BUB1B: variants seen among roughly 807,000 people sequenced by gnomAD.
BUB1B encodes mitotic checkpoint serine/threonine-protein kinase BUB1 beta.
A neutral mutation model predicts 137.7 loss-of-function variants in BUB1B; 86 were observed. The observed-to-expected ratio is 0.62, with a 90% CI of 0.52 to 0.75. BUB1B has a LOEUF of 0.75. Ranked by LOEUF, BUB1B falls within the 30% of genes least tolerant of loss-of-function variation. The pLI is 0.00. For missense variants in BUB1B, 1,130 were observed against 1,236.9 expected (o/e 0.91, Z 1.30); for synonymous variants, 420 against 417.9 (o/e 1.00, Z -0.06).
At chr15:40,179,793 T>C (rs920464846) in intron 5 of BUB1B, among the ~76,000 whole-genome samples, 17 of 152,034 alleles carry the variant, frequency 1.1e-4, no homozygotes, top group Non-Finnish European at 2.4e-4. Context: ...GTATATAATA[T>C]ACCTAAACTT....
Position 40,212,565 on chromosome 15 carries a change from G to A in BUB1B, c.2452G>A (p.Asp818Asn). 6.2e-7 allele frequency: 1 copy of A among 1,613,222 alleles called. No individual in the cohort carries two copies. Among genetic ancestry groups the A allele is most frequent in the South Asian group, 1.1e-5 (1 of 91,066 alleles). ...CAAGTTAAAGGAACGTTTAAATGAA[G>A]ATTTTGATCATTTTTGCAGCTGTTA... ...NLKLKERLNE[D>N]FDHFCSCYQY... The change falls in exon 19 of 23, where the codon GAT (aspartate) becomes AAT (asparagine). Residue 818 changes from aspartate to asparagine, a missense_variant. Coordinates refer to ENST00000287598, the MANE Select transcript of BUB1B (RefSeq NM_001211.6).
At chr15:40,170,442 C>A (rs1016009907) in intron 3 of BUB1B, 95 bp from the exon 4 acceptor site, 11 of 1,439,716 alleles carry the variant, frequency 7.6e-6, no homozygotes, top group Non-Finnish European at 9.7e-6. Flanking sequence ...AAGAAACATA[C>A]TTTACTTCTG....
chr15:40,196,813 G>A (rs2037504566), intron 9 of BUB1B, 39 bp downstream of exon 9: 1 of 1,582,584 alleles, frequency 6.3e-7, no homozygotes, highest in Non-Finnish European at 8.7e-7. Context: ...ACTTAACTTA[G>A]TTGTGTGAAG....
chr15:40,186,274 T>C (rs1335282145), intron 8 of BUB1B, among the ~76,000 whole-genome samples: 2 of 152,142 alleles, frequency 1.3e-5, no homozygotes, highest in African/African-American at 2.4e-5. Flanking sequence ...GAAATTATGA[T>C]AGTTTTCCCT....
chr15:40,176,382 G>A, intron 4 of BUB1B, 95 bp from the exon 5 acceptor site: 2 of 1,109,558 alleles, frequency 1.8e-6, no homozygotes, highest in Non-Finnish European at 2.7e-6. Flanking sequence ...TTTCAATACA[G>A]GAATTGCATG....
At position 40,216,563 on chromosome 15, in the gene BUB1B, A is replaced by G. The variant is rs1295116246; in HGVS notation, c.2679-933A>G. Among the ~76,000 whole-genome samples the G allele has an allele frequency of 5.4e-5, 5 of 91,942 alleles. No homozygotes were observed. The South Asian group carries it at 1.7e-3, about 30-fold the overall frequency. The allele number at this position is 91,942 out of a possible 152,430, so 60.3% of individuals were successfully genotyped here. On this transcript the variant is annotated intron_variant, in intron 20 of 22. Coordinates refer to ENST00000287598, the MANE Select transcript of BUB1B (RefSeq NM_001211.6). ...ATATATATACTATATATATATATAT[A>G]TATATATATTTTTTTTTTTTTTTAA... is the stretch of plus-strand genomic sequence containing the variant.
intron 4 of BUB1B, among the ~76,000 whole-genome samples, chr15:40,175,220 C>T (rs2037211355): frequency 6.6e-6 from 1 of 151,956 alleles, no homozygotes; most frequent in Admixed American, 6.6e-5. Context: ...TATAATTGGG[C>T]AAAATTAGAA....
At chr15:40,181,747 C>G (rs192052229) in intron 5 of BUB1B, among the ~76,000 whole-genome samples, 1 of 152,274 alleles carries the variant, frequency 6.6e-6, no homozygotes, top group African/African-American at 2.4e-5. Context: ...CTATTGAAAC[C>G]ATTCAACATA....
chr15:40,185,728 CT>C, intron 8 of BUB1B, 86 bp downstream of exon 8: 1 of 1,317,084 alleles, frequency 7.6e-7, no homozygotes, highest in Non-Finnish European at 1.1e-6. Context: ...GCAGTTTCTT[CT>C]TTATGAAGAT....
chr15:40,185,433 G>A, intron 7 of BUB1B, 54 bp downstream of exon 7: 1 of 1,597,408 alleles, frequency 6.3e-7, no homozygotes, highest in Non-Finnish European at 8.6e-7. Flanking sequence ...TTCACATTTA[G>A]GGTAGAGAAG....
At chr15:40,161,325 C>T in intron 1 of BUB1B, 70 bp downstream of exon 1, 1 of 1,545,080 alleles carries the variant, frequency 6.5e-7, no homozygotes, top group South Asian at 1.2e-5. Context: ...TAGAAGGCTC[C>T]GCTCGGAGCA....
At position 40,209,784 on chromosome 15, in the gene BUB1B, C is replaced by T; in HGVS notation, c.2284+9C>T. On this transcript the variant is annotated intron_variant, in intron 17 of 22. Transcript: ENST00000287598. ...GAAGGAAATTGAATTAGGTAAGTAC[C>T]ATTGAACTCATGTCCTCTGGTTCAT... 6.2e-7 allele frequency: 1 copy of T among 1,613,896 alleles called. No homozygotes were observed. Among genetic ancestry groups the T allele is most frequent in the Non-Finnish European group, 8.5e-7 (1 of 1,179,878 alleles).
chr15:40,215,633 G>T (rs929313619), intron 20 of BUB1B, among the ~76,000 whole-genome samples: 15 of 152,178 alleles, frequency 9.9e-5, no homozygotes, highest in African/African-American at 3.6e-4. Context: ...GCCAGCCGTG[G>T]TGGCAGGTGC....
At position 40,176,303 on chromosome 15, in the gene BUB1B, C is replaced by T. The variant is rs192895941; in HGVS notation, c.385-174C>T. ...TTACTCTCCAACTCTTCTTACAAAT[C>T]GCTCAGTTTTGCCTCTTTTTTAGGT... On this transcript the variant is annotated intron_variant, in intron 4 of 22. Transcript: ENST00000287598. Among the ~76,000 whole-genome samples, 557 of 152,254 alleles carry T rather than the reference C, an allele frequency of 3.7e-3. 3 individuals carry two copies. The highest frequency in any genetic ancestry group is 5.3e-3 in the Non-Finnish European group (363 of 68,030).
At chr15:40,210,531 A>G (rs1280188614) in intron 18 of BUB1B, among the ~76,000 whole-genome samples, 1 of 152,120 alleles carries the variant, frequency 6.6e-6, no homozygotes, top group Non-Finnish European at 1.5e-5. Context: ...TTGTTTTTTA[A>G]AGGACACGGT....
intron 9 of BUB1B, among the ~76,000 whole-genome samples, chr15:40,197,258 A>C (rs559340085): frequency 1.3e-5 from 2 of 152,300 alleles, no homozygotes; most frequent in Admixed American, 6.5e-5. Flanking sequence ...GCAGTGATTT[A>C]GATTATAGAT....
chr15:40,217,453 A>C (rs1329221650), intron 20 of BUB1B, 43 bp from the exon 21 acceptor site: 2 of 1,597,840 alleles, frequency 1.3e-6, no homozygotes, highest in Non-Finnish European at 1.7e-6. Flanking sequence ...AGCTTCTTTC[A>C]TGGCCTATTT....
intron 4 of BUB1B, among the ~76,000 whole-genome samples, chr15:40,172,681 A>C (rs528477619): frequency 6.6e-6 from 1 of 152,190 alleles, no homozygotes; most frequent in Non-Finnish European, 1.5e-5. Flanking sequence ...GAACCTATGC[A>C]GTTCAGACCT....
chr15:40,202,016 T>A (rs563137375), intron 12 of BUB1B, among the ~76,000 whole-genome samples: 57 of 152,282 alleles, frequency 3.7e-4, no homozygotes, highest in African/African-American at 1.3e-3. Flanking sequence ...ACTGGACATT[T>A]GATATTATAT....
Sources: allele counts gnomAD v4.1 joint callset (sites outside exome capture counted in the v4.1 genomes callset), GRCh38; gene constraint gnomAD v4.1.1; transcripts MANE v1.5; gene names NCBI Gene and HGNC (gene_info 2026-07-23, HGNC 2026-07-21).